The following CNTN3 variants were observed in gnomAD, a reference collection of about 807,000 sequenced individuals.
The protein encoded by CNTN3 is contactin-3.
A neutral mutation model predicts 119.1 loss-of-function variants in CNTN3; 60 were observed. The ratio of observed to expected loss-of-function variants is 0.50; its 90% CI spans 0.41 to 0.62. CNTN3 has a LOEUF of 0.62. CNTN3 is among the 20% of genes least tolerant of loss of function. The pLI, the probability that CNTN3 is intolerant of heterozygous loss-of-function variation, is 0.00. For missense variants in CNTN3, 1,101 were observed against 1,242.4 expected (o/e 0.89, Z 1.71); for synonymous variants, 450 against 438.7 (o/e 1.03, Z -0.32).
intron 20 of CNTN3, among the ~76,000 whole-genome samples, chr3:74,278,035 A>C (rs1196861175): frequency 1.3e-5 from 2 of 148,658 alleles, no homozygotes; most frequent in Non-Finnish European, 3.0e-5. Context: ...AAAAAAAAAA[A>C]CCACTTATGA....
At chr3:74,560,869 T>A (rs1349033252) in intron 1 of CNTN3, among the ~76,000 whole-genome samples, 1 of 151,848 alleles carries the variant, frequency 6.6e-6, no homozygotes, top group African/African-American at 2.4e-5. Flanking sequence ...TTCATGTCCT[T>A]TGTAGGGACA....
At chr3:74,526,240 A>G (rs1294144478) in intron 1 of CNTN3, among the ~76,000 whole-genome samples, 1 of 151,642 alleles carries the variant, frequency 6.6e-6, no homozygotes, top group Non-Finnish European at 1.5e-5. Flanking sequence ...TGAGCAGCTT[A>G]CCGACATTTA....
At chr3:74,603,589 C>T (rs900992658) in intron 1 of CNTN3, among the ~76,000 whole-genome samples, 28 of 152,030 alleles carry the variant, frequency 1.8e-4, no homozygotes, top group African/African-American at 5.3e-4. Context: ...TATACAACAA[C>T]AAAAAAGATA....
intron 4 of CNTN3, among the ~76,000 whole-genome samples, chr3:74,430,959 G>A (rs540582126): frequency 6.6e-6 from 1 of 152,208 alleles, no homozygotes; most frequent in Admixed American, 6.5e-5. Flanking sequence ...CTCTACCAGA[G>A]CCCATAGCTC....
Position 74,273,433 on chromosome 3 carries a change from A to G in CNTN3, c.2705-6055T>C, listed in dbSNP as rs1337243736. Among the ~76,000 whole-genome samples, 3 of 152,184 alleles carry G rather than the reference A, an allele frequency of 2.0e-5. No homozygotes were observed. The East Asian group carries it at 5.8e-4, about 29-fold the overall frequency. ...CTGAGAGGACCCACAGACCCTCTGA[A>G]GGAAGTGGATTGCTCCTGCAAGACC... On this transcript the variant is annotated intron_variant, in intron 20 of 22. Coordinates refer to ENST00000263665, the MANE Select transcript of CNTN3 (RefSeq NM_020872.3).
intron 1 of CNTN3, among the ~76,000 whole-genome samples, chr3:74,562,930 A>C (rs894123714): frequency 6.6e-6 from 1 of 152,160 alleles, no homozygotes. Flanking sequence ...AAAGGCTAAG[A>C]GACACTTAGG....
At chr3:74,302,421 C>T (rs1232813835) in intron 14 of CNTN3, among the ~76,000 whole-genome samples, 1 of 152,184 alleles carries the variant, frequency 6.6e-6, no homozygotes, top group Non-Finnish European at 1.5e-5. Flanking sequence ...AATACAATCA[C>T]TGAATTAATG....
intron 1 of CNTN3, among the ~76,000 whole-genome samples, chr3:74,522,953 C>A (rs1484789781): frequency 6.6e-6 from 1 of 151,570 alleles, no homozygotes; most frequent in Non-Finnish European, 1.5e-5. Flanking sequence ...TGATTGATGG[C>A]CAAAATTACT....
chr3:74,593,148 T>C (rs937514056), intron 1 of CNTN3, among the ~76,000 whole-genome samples: 2 of 152,004 alleles, frequency 1.3e-5, no homozygotes, highest in Non-Finnish European at 2.9e-5. Flanking sequence ...AAATTTGTTT[T>C]CACTTTAGAA....
Position 74,274,508 on chromosome 3 carries a change from C to T in CNTN3, c.2705-7130G>A, listed in dbSNP as rs559370168. On this transcript the variant is annotated intron_variant, in intron 20 of 22. Coordinates refer to ENST00000263665, the MANE Select transcript of CNTN3 (RefSeq NM_020872.3). ...ATGCAGACAACCCCCAGTACAAGCC[C>T]GAGCCTGGTAGACATGCTGGGTGAC... 5.3e-5 allele frequency among the ~76,000 whole-genome samples: 8 copies of T among 152,170 alleles called. No individual in the cohort carries two copies. The South Asian group carries it at 1.2e-3, about 24-fold the overall frequency.
chr3:74,531,109 C>A (rs918361404), intron 1 of CNTN3, among the ~76,000 whole-genome samples: 1 of 151,818 alleles, frequency 6.6e-6, no homozygotes, highest in African/African-American at 2.4e-5. Context: ...AACATTATTT[C>A]TTTAACTGTA....
intron 3 of CNTN3, among the ~76,000 whole-genome samples, chr3:74,487,489 G>A (rs1370812613): frequency 6.6e-6 from 1 of 151,970 alleles, no homozygotes; most frequent in Non-Finnish European, 1.5e-5. Context: ...TATAACAATG[G>A]TCATATCAAT....
At chr3:74,539,484 A>G (rs926302618) in intron 1 of CNTN3, among the ~76,000 whole-genome samples, 2 of 152,046 alleles carry the variant, frequency 1.3e-5, no homozygotes, top group Admixed American at 1.3e-4. Flanking sequence ...AAGCTTCTAG[A>G]GTCTACTCCA....
intron 11 of CNTN3, among the ~76,000 whole-genome samples, chr3:74,360,077 C>A (rs913936350): frequency 3.9e-5 from 6 of 152,162 alleles, no homozygotes; most frequent in Admixed American, 3.3e-4. Context: ...GCTGTGTCTG[C>A]CTTTTAATGA....
intron 1 of CNTN3, among the ~76,000 whole-genome samples, chr3:74,532,848 G>A (rs193285651): frequency 8.9e-4 from 135 of 152,090 alleles, no homozygotes; most frequent in South Asian, 2.5e-3. Flanking sequence ...AAGTGAGAAG[G>A]AAAATTCAAA....
intron 1 of CNTN3, among the ~76,000 whole-genome samples, chr3:74,547,364 G>A (rs572730998): frequency 2.0e-4 from 30 of 152,196 alleles, no homozygotes; most frequent in Middle Eastern, 3.4e-3. Flanking sequence ...TTCGATAGCC[G>A]TCAGGTAACA....
intron 4 of CNTN3, among the ~76,000 whole-genome samples, chr3:74,429,221 G>T (rs7623038): frequency 0.01 from 1,546 of 151,942 alleles, 25 homozygotes; most frequent in African/African-American, 0.035. Flanking sequence ...TAAAGGCACA[G>T]GACTTAGAAT....
Position 74,486,448 on chromosome 3 carries a change from A to C in CNTN3, c.358+8T>G. The C allele has an allele frequency of 1.3e-6, 2 of 1,582,986 alleles. No homozygotes were observed. The highest frequency in any genetic ancestry group is 1.7e-6 in the Non-Finnish European group (2 of 1,171,668). ...TTGGATTTGCTAGACATGTGAACATAAACTTACAGGCAAACTGAAGTTTGG... is the reference window on the plus strand; with the variant it reads ...TTGGATTTGCTAGACATGTGAACATCAACTTACAGGCAAACTGAAGTTTGG... On this transcript the variant is annotated splice_region_variant and intron_variant, in intron 4 of 22. Transcript: ENST00000263665.
chr3:74,440,661 A>T (rs1701948334), intron 4 of CNTN3, among the ~76,000 whole-genome samples: 1 of 150,706 alleles, frequency 6.6e-6, no homozygotes, highest in South Asian at 2.1e-4. Flanking sequence ...GTTGTTATTT[A>T]TTTTTTTTTA....
Sources: gnomAD v4.1 joint callset for allele counts (sites outside exome capture counted in the v4.1 genomes callset) on GRCh38, gnomAD v4.1.1 for gene constraint, MANE v1.5 for transcripts, NCBI Gene and HGNC (gene_info 2026-07-23, HGNC 2026-07-21) for gene names.